Variants in SBF2 observed in about 807,000 individuals in gnomAD.
SBF2 encodes myotubularin-related protein 13.
SBF2 carries 112 observed loss-of-function variants against 225.2 expected under a neutral mutation model. The ratio of observed to expected loss-of-function variants is 0.50; its 90% CI spans 0.43 to 0.58. SBF2 has a LOEUF of 0.58. SBF2 is among the 20% of genes least tolerant of loss of function. SBF2 has a pLI of 0.00. For synonymous variants in SBF2, 763 were observed against 773.3 expected (o/e 0.99, Z 0.22); for missense variants, 1,996 against 2,206.2 (o/e 0.90, Z 1.91).
intron 14 of SBF2, among the ~76,000 whole-genome samples, chr11:9,967,775 C>T (rs146794706): frequency 4.4e-4 from 67 of 151,972 alleles, no homozygotes; most frequent in African/African-American, 1.6e-3. Context: ...ATTAGCTGGG[C>T]GAGGTGGCAC....
At chr11:10,103,126 G>A (rs189422534) in intron 2 of SBF2, among the ~76,000 whole-genome samples, 6 of 152,046 alleles carry the variant, frequency 3.9e-5, no homozygotes, top group East Asian at 1.9e-4. Flanking sequence ...CAGAGTAAAC[G>A]TTTTTCTTTT....
intron 39 of SBF2, 73 bp from the exon 40 acceptor site, chr11:9,780,589 C>T (rs1409138469): frequency 3.2e-6 from 4 of 1,254,416 alleles, no homozygotes; most frequent in Admixed American, 1.7e-5. Flanking sequence ...AGTGGTAAAT[C>T]AGTTCCTGTG....
intron 2 of SBF2, among the ~76,000 whole-genome samples, chr11:10,157,158 G>C (rs1381087827): frequency 6.6e-6 from 1 of 152,108 alleles, no homozygotes; most frequent in Non-Finnish European, 1.5e-5. Flanking sequence ...ACAAAAACAA[G>C]CCCTGGGGAA....
chr11:9,933,358 T>A (rs1470485517), intron 16 of SBF2, among the ~76,000 whole-genome samples: 1 of 152,142 alleles, frequency 6.6e-6, no homozygotes, highest in Non-Finnish European at 1.5e-5. Flanking sequence ...GAATATACAT[T>A]CTTCTCAGCA....
At chr11:9,942,579 G>A (rs1055318650) in intron 16 of SBF2, among the ~76,000 whole-genome samples, 8 of 152,324 alleles carry the variant, frequency 5.3e-5, no homozygotes, top group African/African-American at 1.9e-4. Context: ...GATACAGCAT[G>A]GGGGCTTGCC....
chr11:10,210,398 G>A (rs1957896558), intron 1 of SBF2, among the ~76,000 whole-genome samples: 1 of 151,812 alleles, frequency 6.6e-6, no homozygotes, highest in Non-Finnish European at 1.5e-5. Flanking sequence ...GAAGGAGGAA[G>A]GTATAGAATA....
At chr11:9,987,830 A>G (rs1253401437) in intron 13 of SBF2, among the ~76,000 whole-genome samples, 1 of 152,212 alleles carries the variant, frequency 6.6e-6, no homozygotes, top group Non-Finnish European at 1.5e-5. Flanking sequence ...TATTGTGAAA[A>G]TGACCATACC....
At chr11:9,801,023 G>A (rs1463424987) in intron 32 of SBF2, among the ~76,000 whole-genome samples, 1 of 152,060 alleles carries the variant, frequency 6.6e-6, no homozygotes, top group East Asian at 1.9e-4. Context: ...ACAAGATTTT[G>A]GGGACCTAAA....
At chr11:10,004,637 A>G (rs1469015140) in intron 6 of SBF2, among the ~76,000 whole-genome samples, 2 of 149,796 alleles carry the variant, frequency 1.3e-5, no homozygotes, top group East Asian at 2.0e-4. Context: ...ACCTGCCCAC[A>G]AGGAAATTCC....
At chr11:10,127,535 C>CA (rs554003364) in intron 2 of SBF2, among the ~76,000 whole-genome samples, 162 of 152,228 alleles carry the variant, frequency 1.1e-3, no homozygotes, top group African/African-American at 3.7e-3. Flanking sequence ...TTCTAAGGGT[C>CA]AGTTCTCCAT....
At chr11:9,870,828 G>A (rs934378608) in intron 17 of SBF2, among the ~76,000 whole-genome samples, 1 of 152,030 alleles carries the variant, frequency 6.6e-6, no homozygotes, top group Non-Finnish European at 1.5e-5. Flanking sequence ...ACAAAAATTA[G>A]CTGGGTGTGG....
intron 1 of SBF2, among the ~76,000 whole-genome samples, chr11:10,282,838 C>G (rs1963505534): frequency 2.6e-5 from 2 of 77,652 alleles, no homozygotes; most frequent in South Asian, 7.9e-4. Context: ...CAAGGCTCAC[C>G]ATCTATAGAG....
intron 16 of SBF2, among the ~76,000 whole-genome samples, chr11:9,905,397 TG>T (rs1169337131): frequency 2.0e-5 from 3 of 152,246 alleles, no homozygotes; most frequent in Non-Finnish European, 1.5e-5. Context: ...TACTAGGTCT[TG>T]GATTTCCAGA....
At chr11:10,295,612 C>G (rs955991922), upstream of SBF2, among the ~76,000 whole-genome samples, 1 of 151,648 alleles carries the variant, frequency 6.6e-6, no homozygotes, top group Non-Finnish European at 1.5e-5. Context: ...CTCAGTCATA[C>G]CCCGTGCAGC....
chr11:10,052,191 A>C (rs779188794), intron 2 of SBF2, among the ~76,000 whole-genome samples: 6 of 152,068 alleles, frequency 3.9e-5, no homozygotes, highest in Non-Finnish European at 5.9e-5. Context: ...TGCAAAACCC[A>C]AAATGTTTAG....
intron 37 of SBF2, 60 bp from the exon 38 acceptor site, chr11:9,784,498 G>C: frequency 7.8e-7 from 1 of 1,280,660 alleles, no homozygotes. Context: ...TGCTGTAAAG[G>C]GGAGGGGATA....
intron 19 of SBF2, 147 bp downstream of exon 19, chr11:9,856,311 A>G: frequency 2.0e-6 from 2 of 991,176 alleles, no homozygotes; most frequent in Non-Finnish European, 3.1e-6. Context: ...TAGAAAGAAA[A>G]GCTGAGCAAG....
At chr11:9,976,069 C>CTTTTTTTTTTTTTTTTTTTTT (rs1425127093) in intron 13 of SBF2, among the ~76,000 whole-genome samples, 1 of 139,684 alleles carries the variant, frequency 7.2e-6, no homozygotes. Flanking sequence ...TCTTCTTCTT[C>CTTTTTTTTTTTTTTTTTTTTT]TTCTTTTTTT....
chr11:10,170,521 T>G (rs1473470390), intron 2 of SBF2, among the ~76,000 whole-genome samples: 3 of 152,180 alleles, frequency 2.0e-5, no homozygotes, highest in Non-Finnish European at 4.4e-5. Context: ...GCTATTTTGG[T>G]TACTATAGCT....
Sources: allele counts gnomAD v4.1 joint callset (sites outside exome capture counted in the v4.1 genomes callset), GRCh38; gene constraint gnomAD v4.1.1; transcripts MANE v1.5; gene names NCBI Gene and HGNC (gene_info 2026-07-23, HGNC 2026-07-21).